RBM23: variants seen among roughly 807,000 people sequenced by gnomAD.
RBM23 encodes the protein RNA binding motif protein 23.
RBM23 carries 53 observed loss-of-function variants against 56.2 expected under a neutral mutation model. The ratio of observed to expected loss-of-function variants is 0.94; its 90% CI spans 0.76 to 1.19. The LOEUF is 1.19. Ranked by LOEUF, RBM23 falls within the 50% of genes most tolerant of loss-of-function variation. The pLI is 0.00. For synonymous variants in RBM23, 197 were observed against 198.5 expected (o/e 0.99, Z 0.06); for missense variants, 642 against 590.3 (o/e 1.09, Z -0.91).
At position 22,896,191 on chromosome 14, in the gene RBM23, C is replaced by A. The variant is rs1438543580; in HGVS notation, c.*5539G>T. On this transcript the variant is annotated 3_prime_UTR_variant, in exon 14 of 14. Transcript: ENST00000359890. ...GGACAGTAATGAGCCAAGTTCCAAA[C>A]CTTTCTCAATGAATTCTCACAACAT... 2.0e-5 allele frequency: 3 copies of A among 152,272 alleles called. No individual in the cohort carries two copies. Among genetic ancestry groups the A allele is most frequent in the Middle Eastern group, 3.4e-3 (1 of 294 alleles). 9.4% of individuals were successfully genotyped at this position (152,272 alleles called of 1,614,324 possible).
intron 1 of RBM23, among the ~76,000 whole-genome samples, chr14:22,915,334 G>A (rs761934796): frequency 9.9e-5 from 15 of 151,942 alleles, no homozygotes; most frequent in Non-Finnish European, 2.1e-4. Context: ...CTGAGTAGCT[G>A]GGATTACAGG....
chr14:22,914,478 C>T (rs1452979060), intron 1 of RBM23, among the ~76,000 whole-genome samples: 1 of 151,334 alleles, frequency 6.6e-6, no homozygotes. Flanking sequence ...GATGACACAG[C>T]GAGACTGTCT....
intron 5 of RBM23, 181 bp downstream of exon 5, chr14:22,906,014 T>G: frequency 1.4e-6 from 1 of 704,814 alleles, no homozygotes; most frequent in South Asian, 1.9e-5. Flanking sequence ...TCTCCCAAAG[T>G]GCTGGGATTA....
Position 22,905,233 on chromosome 14 carries a change from C to A in RBM23, c.587G>T (p.Arg196Leu), listed in dbSNP as rs370639272. 4 of 1,614,006 alleles carry A rather than the reference C, an allele frequency of 2.5e-6. No homozygotes were observed. The highest frequency in any genetic ancestry group is 1.1e-5 in the South Asian group (1 of 91,086). The change falls in exon 8 of 14, where the codon CGT (arginine) becomes CTT (leucine). Residue 196 changes from arginine (R) to leucine (L), a missense_variant. Coordinates refer to ENST00000359890, the MANE Select transcript of RBM23 (RefSeq NM_001077351.2). ...FSAVGKVRDV[R>L]IISDRNSRRS... is the part of the protein sequence containing the mutation. The stretch of plus-strand genomic sequence containing the variant: ...ACGTGAGTTCCGATCTGAGATGATA[C>A]GTACATCGCGAACCTATCCAGGACG...
chr14:22,904,101 C>T lies in RBM23; in HGVS notation c.930+160G>A, dbSNP rs915140252. 10 of 1,536,158 alleles carry T rather than the reference C, an allele frequency of 6.5e-6. No homozygotes were observed. The African/African-American group carries it at 1.4e-4, about 21-fold the overall frequency. On this transcript the variant is annotated intron_variant, in intron 10 of 13. Transcript: ENST00000359890. ...AGCAAAGCCAAGATCTCAAGCAATG[C>T]ACTCATCTCAAGGGGTAGAAGGCTA...
In RBM23 at chr14:22,901,576, T is replaced by C. The variant is rs2040487131; in HGVS notation, c.*154A>G. ...GTGGGACCATGGGCAGGAGCTTTTC[T>C]TGGTATCTTAAGGGTGGCCCCAATT... On this transcript the variant is annotated 3_prime_UTR_variant, in exon 14 of 14. Transcript: ENST00000359890. 2.7e-6 allele frequency: 3 copies of C among 1,119,522 alleles called. No individual in the cohort carries two copies. In the East Asian group the frequency reaches 7.2e-5, roughly 27 times the overall value. 69.3% of individuals were successfully genotyped at this position (1,119,522 alleles called of 1,614,324 possible).
chr14:22,903,869 G>A, intron 10 of RBM23: 1 of 1,152,220 alleles, frequency 8.7e-7, no homozygotes, highest in Non-Finnish European at 1.1e-6. Context: ...GCACCAGAGG[G>A]AAGTATAATT....
chr14:22,894,328 C>A lies in RBM23; in HGVS notation c.*7402G>T, dbSNP rs4982704. The stretch of plus-strand genomic sequence containing the variant: ...GATGGAAGGTTGGGGGACAGATTGG[C>A]AATTGAAGCTCCACGATGGTATTTT... On this transcript the variant is annotated 3_prime_UTR_variant, in exon 14 of 14. Coordinates refer to ENST00000359890, the MANE Select transcript of RBM23 (RefSeq NM_001077351.2). The A allele has an allele frequency of 0.57, 87,261 of 152,052 alleles. 25,394 individuals are homozygous for A. Among genetic ancestry groups the A allele is most frequent in the East Asian group, 0.8 (4,157 of 5,176 alleles). 9.4% of individuals were successfully genotyped at this position (152,052 alleles called of 1,614,324 possible). A position where few individuals can be genotyped will look rare whatever the true frequency, so the allele number is the denominator to read the frequency against.
At chr14:22,904,780 T>A in intron 9 of RBM23, 95 bp downstream of exon 9, 2 of 1,554,280 alleles carry the variant, frequency 1.3e-6, no homozygotes, top group Non-Finnish European at 1.7e-6. Flanking sequence ...TGCAGCAGGT[T>A]AATCACGGCC....
intron 2 of RBM23, 21 bp downstream of exon 2, chr14:22,911,307 G>T (rs1260047060): frequency 6.2e-7 from 1 of 1,607,934 alleles, no homozygotes; most frequent in South Asian, 1.1e-5. Flanking sequence ...CCAATTCCAG[G>T]AGTGAGGTGG....
chr14:22,918,109 T>C (rs950531086), intron 1 of RBM23, among the ~76,000 whole-genome samples: 4 of 152,124 alleles, frequency 2.6e-5, no homozygotes, highest in African/African-American at 9.7e-5. Flanking sequence ...AAAATGGTCC[T>C]ATAGGCCGGG....
At position 22,904,996 on chromosome 14, in the gene RBM23, A is replaced by G. The variant is rs34099207; in HGVS notation, c.743T>C (p.Leu248Pro). 6.2e-7 allele frequency: 1 copy of G among 1,614,210 alleles called. No homozygotes were observed. Among genetic ancestry groups the G allele is most frequent in the African/African-American group, 1.3e-5 (1 of 75,048 alleles). ...TTGCAGGTTGTTGGCCATGGCTGCC[A>G]GTCGGTTTTTCTCTGCCTGGGGAAG... ...VQASQAEKNRLAAMANNLQKG... is the reference protein window; with the variant it reads ...VQASQAEKNRPAAMANNLQKG... Residue 248 changes from leucine to proline, a missense_variant, in exon 9 of 14, where the codon CTG (leucine) becomes CCG (proline). Leu to Pro is a moderately conservative substitution (Grantham distance 98). Coordinates refer to ENST00000359890, the MANE Select transcript of RBM23 (RefSeq NM_001077351.2).
rs541600397 is a variant in RBM23 at position 22,898,758 on chromosome 14, G to C, written c.*2972C>G. ...TGGAAACATAAGGAAACCAAGCAGA[G>C]GAAGGCAGGGAGGCAAGGCCTGTGG... On this transcript the variant is annotated 3_prime_UTR_variant, in exon 14 of 14. Coordinates refer to ENST00000359890, the MANE Select transcript of RBM23 (RefSeq NM_001077351.2). The C allele has an allele frequency of 2.0e-5, 3 of 151,912 alleles. No individual in the cohort carries two copies. The East Asian group carries it at 5.9e-4, about 30-fold the overall frequency. 9.4% of individuals were successfully genotyped at this position (151,912 alleles called of 1,614,324 possible). A position where few individuals can be genotyped will look rare whatever the true frequency, so the allele number is the denominator to read the frequency against.
At chr14:22,903,503 C>G in intron 10 of RBM23, 1 of 985,974 alleles carries the variant, frequency 1.0e-6, no homozygotes, top group Non-Finnish European at 1.2e-6. Flanking sequence ...GTGGTACTGA[C>G]AGTTCCTAGG....
intron 4 of RBM23, among the ~76,000 whole-genome samples, chr14:22,907,856 C>T (rs1462019090): frequency 1.3e-5 from 2 of 152,026 alleles, no homozygotes; most frequent in African/African-American, 4.8e-5. Flanking sequence ...GGCCTAGGCT[C>T]ATGTGTCTTT....
chr14:22,897,637 A>G lies in RBM23; in HGVS notation c.*4093T>C, dbSNP rs1223292153. ...CAAACACTGTCACTCAAGATAAGCA[A>G]AGACATGGCAGTGGAAAAATTCTGA... On this transcript the variant is annotated 3_prime_UTR_variant, in exon 14 of 14. Transcript: ENST00000359890. 2 of 152,262 alleles carry G rather than the reference A, an allele frequency of 1.3e-5. No individual in the cohort carries two copies. The highest frequency in any genetic ancestry group is 3.8e-4 in the East Asian group (2 of 5,204). The allele number at this position is 152,262 out of a possible 1,614,324, so 9.4% of individuals were successfully genotyped here.
At chr14:22,903,142 C>A in intron 10 of RBM23, 1 of 985,440 alleles carries the variant, frequency 1.0e-6, no homozygotes, top group Non-Finnish European at 1.2e-6. Flanking sequence ...AGGGAACACA[C>A]CCTAGTGCTG....
rs2042491967 is a variant in RBM23 at position 22,911,365 on chromosome 14, A to G, written c.29T>C (p.Ile10Thr). 2 of 1,613,838 alleles carry G rather than the reference A, an allele frequency of 1.2e-6. No homozygotes were observed. Among genetic ancestry groups the G allele is most frequent in the Non-Finnish European group, 1.7e-6 (2 of 1,179,814 alleles). ...ATAGGGAGCTTCCAGCATGGCCTCA[A>G]TCACTATGTCAAAGTCATCAGATGC... MASDDFDIV[I>T]EAMLEAPYKK... The change falls in exon 2 of 14, where the codon ATT becomes ACT. Residue 10 changes from isoleucine to threonine, a missense_variant. Physicochemically the swap from Ile to Thr is moderately conservative, Grantham distance 89. Transcript: ENST00000359890.
At position 22,905,116 on chromosome 14, in the gene RBM23, G is replaced by A. The variant is rs2138952568; in HGVS notation, c.704C>T (p.Pro235Leu). The change falls in exon 8 of 14, where the codon CCT becomes CTT. Residue 235 changes from proline (P) to leucine (L), a missense_variant. Pro to Leu is a moderately conservative substitution (Grantham distance 98). Coordinates refer to ENST00000359890, the MANE Select transcript of RBM23 (RefSeq NM_001077351.2). ...CACCTGTGAAGCCTGTACAATGATA[G>A]GCACTCCCAGCAACCGCTGCCCAGT... Reference protein sequence around the residue: ...GLTGQRLLGVPIIVQASQAEK... With the variant: ...GLTGQRLLGVLIIVQASQAEK... 2.5e-6 allele frequency: 4 copies of A among 1,614,088 alleles called. No individual in the cohort carries two copies. In the South Asian group the frequency reaches 4.4e-5, roughly 18 times the overall value.
Sources: allele counts gnomAD v4.1 joint callset (sites outside exome capture counted in the v4.1 genomes callset), GRCh38; gene constraint gnomAD v4.1.1; transcripts MANE v1.5; gene names NCBI Gene and HGNC (gene_info 2026-07-23, HGNC 2026-07-21).